The following LRRC4C variants were observed in gnomAD, a reference collection of about 807,000 sequenced individuals.
The protein encoded by LRRC4C is leucine rich repeat containing 4C.
In LRRC4C, 5 loss-of-function variants were observed where a neutral mutation model predicts 33.6. The ratio of observed to expected loss-of-function variants is 0.15; its 90% CI spans 0.08 to 0.31. The LOEUF (loss-of-function observed/expected upper bound fraction) is 0.31. Ranked by LOEUF, LRRC4C falls within the 10% of genes least tolerant of loss-of-function variation. LRRC4C has a pLI of 1.00. For missense variants in LRRC4C, 560 were observed against 796.7 expected (o/e 0.70, Z 3.58); for synonymous variants, 329 against 302.0 (o/e 1.09, Z -0.93).
rs765252333 is a variant in LRRC4C at position 40,898,353 on chromosome 11, C to CAAAAAAAAAAAAAAAAAAAAAAAA, written c.-407+35281_-407+35282insTTTTTTTTTTTTTTTTTTTTTTTT. Among the ~76,000 whole-genome samples, 54 of 38,282 alleles carry CAAAAAAAAAAAAAAAAAAAAAAAA rather than the reference C, an allele frequency of 1.4e-3. 2 individuals are homozygous for CAAAAAAAAAAAAAAAAAAAAAAAA. The highest frequency in any genetic ancestry group is 4.0e-3 in the African/African-American group (38 of 9,576). The allele number at this position is 38,282 out of a possible 152,430, so 25.1% of individuals were successfully genotyped here. A position where few individuals can be genotyped will look rare whatever the true frequency, so the allele number is the denominator to read the frequency against. On this transcript the variant is annotated intron_variant, in intron 2 of 6. Transcript: ENST00000528697. ...GGGCAACAAGAGTGAAACTCCATCT[C>CAAAAAAAAAAAAAAAAAAAAAAAA]AAAAAAAAAAAAAAAAAAAGAAAAA...
chr11:40,245,105 A>G (rs978839093), intron 4 of LRRC4C, among the ~76,000 whole-genome samples: 1 of 152,178 alleles, frequency 6.6e-6, no homozygotes, highest in Non-Finnish European at 1.5e-5. Flanking sequence ...GAACCCAGCA[A>G]GCATTTCAAA....
At chr11:41,153,472 A>G (rs1440244857) in intron 1 of LRRC4C, among the ~76,000 whole-genome samples, 2 of 152,184 alleles carry the variant, frequency 1.3e-5, no homozygotes, top group African/African-American at 4.8e-5. Context: ...TAAAAAAGAA[A>G]CTACGAGTAA....
At chr11:41,436,729 T>A (rs2138479708) in intron 1 of LRRC4C, among the ~76,000 whole-genome samples, 1 of 152,326 alleles carries the variant, frequency 6.6e-6, no homozygotes. Flanking sequence ...CTTCTCTAAA[T>A]CATTTTGCCT....
intron 1 of LRRC4C, among the ~76,000 whole-genome samples, chr11:41,247,935 G>A (rs1334585778): frequency 1.3e-5 from 2 of 152,076 alleles, no homozygotes; most frequent in Admixed American, 1.3e-4. Context: ...GAGCTCTTTG[G>A]ACTCTTGATG....
intron 5 of LRRC4C, among the ~76,000 whole-genome samples, chr11:40,237,293 T>A (rs1865633132): frequency 6.6e-6 from 1 of 152,232 alleles, no homozygotes; most frequent in Non-Finnish European, 1.5e-5. Context: ...AAATTGCTTA[T>A]CTTGGCATAG....
intron 2 of LRRC4C, among the ~76,000 whole-genome samples, chr11:40,760,880 A>T (rs866635565): frequency 1.4e-5 from 2 of 145,974 alleles, no homozygotes; most frequent in African/African-American, 2.5e-5. Context: ...TATTATATAT[A>T]ATATATATAT....
intron 1 of LRRC4C, among the ~76,000 whole-genome samples, chr11:41,290,338 A>G (rs1328646929): frequency 6.6e-6 from 1 of 152,216 alleles, no homozygotes; most frequent in Non-Finnish European, 1.5e-5. Context: ...GTATCATGCA[A>G]GAATAAAAAC....
At chr11:41,099,447 A>C (rs1246396142) in intron 1 of LRRC4C, among the ~76,000 whole-genome samples, 1 of 152,178 alleles carries the variant, frequency 6.6e-6, no homozygotes, top group Non-Finnish European at 1.5e-5. Context: ...TCCTCAACAA[A>C]ATACTGGCAA....
In LRRC4C at chr11:40,648,814, T is replaced by C. The variant is rs988580282; in HGVS notation, c.-406-536A>G. Among the ~76,000 whole-genome samples, 5 of 152,292 alleles carry C rather than the reference T, an allele frequency of 3.3e-5. No individual in the cohort carries two copies. In the South Asian group the frequency reaches 1.0e-3, roughly 32 times the overall value. ...ATATTTCAGCGTAGGTTCTTTCTAT[T>C]TCCCATAAGTGTCAGCCAGCTGAGA... On this transcript the variant is annotated intron_variant, in intron 2 of 6. Coordinates refer to ENST00000528697, the MANE Select transcript of LRRC4C (RefSeq NM_001258419.2).
At chr11:40,513,572 A>T (rs1955432485) in intron 3 of LRRC4C, among the ~76,000 whole-genome samples, 1 of 152,124 alleles carries the variant, frequency 6.6e-6, no homozygotes, top group Admixed American at 6.5e-5. Context: ...GAGCAATGGG[A>T]AGCCACTGAA....
chr11:40,700,367 A>C (rs1945809055), intron 2 of LRRC4C, among the ~76,000 whole-genome samples: 1 of 152,192 alleles, frequency 6.6e-6, no homozygotes, highest in Admixed American at 6.6e-5. Flanking sequence ...TGTATAAAAT[A>C]AGAATGCTTA....
intron 4 of LRRC4C, among the ~76,000 whole-genome samples, chr11:40,316,653 T>G (rs1945589143): frequency 6.6e-6 from 1 of 152,000 alleles, no homozygotes; most frequent in Non-Finnish European, 1.5e-5. Flanking sequence ...AAAGCGTTCT[T>G]GGAAAATTTC....
At chr11:40,257,597 C>T (rs998353987) in intron 4 of LRRC4C, among the ~76,000 whole-genome samples, 2 of 152,122 alleles carry the variant, frequency 1.3e-5, no homozygotes, top group Admixed American at 6.5e-5. Context: ...CACTTTCTTT[C>T]CTGGTCATTG....
intron 1 of LRRC4C, among the ~76,000 whole-genome samples, chr11:41,288,838 G>A (rs1949910143): frequency 6.6e-6 from 1 of 152,094 alleles, no homozygotes; most frequent in Admixed American, 6.5e-5. Context: ...TAGAACTCAT[G>A]GAAGCTTGCT....
At chr11:41,329,941 T>C (rs895423210) in intron 1 of LRRC4C, among the ~76,000 whole-genome samples, 1 of 152,206 alleles carries the variant, frequency 6.6e-6, no homozygotes, top group Non-Finnish European at 1.5e-5. Context: ...ACACTGGACC[T>C]TCATTCTATT....
At chr11:41,018,198 T>C (rs573195471) in intron 1 of LRRC4C, among the ~76,000 whole-genome samples, 1 of 152,326 alleles carries the variant, frequency 6.6e-6, no homozygotes, top group South Asian at 2.1e-4. Flanking sequence ...CCAAATAAAA[T>C]ATACTATTAG....
intron 2 of LRRC4C, among the ~76,000 whole-genome samples, chr11:40,676,489 G>A (rs2136301462): frequency 6.6e-6 from 1 of 152,152 alleles, no homozygotes; most frequent in Non-Finnish European, 1.5e-5. Context: ...TCCAATTATT[G>A]GAAAGGGTGT....
At chr11:40,522,246 T>C (rs1463572829) in intron 3 of LRRC4C, among the ~76,000 whole-genome samples, 1 of 152,220 alleles carries the variant, frequency 6.6e-6, no homozygotes, top group African/African-American at 2.4e-5. Context: ...GCCAGCCTGG[T>C]CTTGAACTTT....
chr11:40,789,036 T>C (rs965749499), intron 2 of LRRC4C, among the ~76,000 whole-genome samples: 96 of 133,448 alleles, frequency 7.2e-4, no homozygotes, highest in African/African-American at 2.8e-3. Flanking sequence ...GAGCTTGCAG[T>C]GAGCCGAGAT....
Sources: allele counts gnomAD v4.1 joint callset (sites outside exome capture counted in the v4.1 genomes callset), GRCh38; gene constraint gnomAD v4.1.1; transcripts MANE v1.5; gene names NCBI Gene and HGNC (gene_info 2026-07-23, HGNC 2026-07-21).